The following DNM2 variants were observed in gnomAD, a reference collection of about 807,000 sequenced individuals.
DNM2 encodes the protein dynamin-2.
In DNM2, 15 loss-of-function variants were observed where a neutral mutation model predicts 99.0. The observed-to-expected ratio is 0.15, with a 90% CI of 0.10 to 0.23. The LOEUF is 0.23. Among genes scored for constraint, DNM2 ranks in the 10% least tolerant of loss-of-function variants. The probability of loss-of-function intolerance (pLI) is 1.00; values close to 1 mark genes in which losing one functional copy is unlikely to be tolerated. For synonymous variants in DNM2, 525 were observed against 481.2 expected (o/e 1.09, Z -1.19); for missense variants, 742 against 1,189.4 (o/e 0.62, Z 5.53).
intron 2 of DNM2, among the ~76,000 whole-genome samples, chr19:10,761,519 G>A (rs914767810): frequency 2.6e-5 from 4 of 152,190 alleles, no homozygotes; most frequent in Admixed American, 6.5e-5. Context: ...AAGGGTCTCC[G>A]TGCCCCTTCC....
chr19:10,750,265 G>A (rs1240103992), intron 1 of DNM2, among the ~76,000 whole-genome samples: 1 of 152,074 alleles, frequency 6.6e-6, no homozygotes, highest in Non-Finnish European at 1.5e-5. Flanking sequence ...GATTGCATGA[G>A]GCCAGAAGTT....
At chr19:10,777,442 C>G (rs530381912) in intron 5 of DNM2, among the ~76,000 whole-genome samples, 5 of 152,288 alleles carry the variant, frequency 3.3e-5, no homozygotes, top group East Asian at 1.9e-4. Context: ...CATTAGAAAA[C>G]AAGTGTATAG....
In DNM2 at chr19:10,783,067, C is replaced by A. The variant is rs552366130; in HGVS notation, c.796C>A (p.Arg266=). The A allele has an allele frequency of 6.2e-6, 10 of 1,613,722 alleles. No homozygotes were observed. The highest frequency in any genetic ancestry group is 3.4e-6 in the Non-Finnish European group (4 of 1,180,060). The change falls in exon 6 of 21, where the codon CGG becomes AGG. Residue 266 remains arginine (R), a synonymous_variant. Coordinates refer to ENST00000389253, the MANE Select transcript of DNM2 (RefSeq NM_001005361.3). The part of the protein sequence containing the change: ...RKFFLSHPAY[R]HMADRMGTPH... ...GTTCTTCCTCTCCCACCCGGCCTAC[C>A]GGCACATGGCCGACCGCATGGGCAC...
At chr19:10,750,365 G>T (rs576454299) in intron 1 of DNM2, among the ~76,000 whole-genome samples, 1 of 152,190 alleles carries the variant, frequency 6.6e-6, no homozygotes, top group Non-Finnish European at 1.5e-5. Context: ...TGCAGTCCCA[G>T]TTACTTGGGA....
intron 17 of DNM2, chr19:10,824,439 T>C (rs1599629936): frequency 4.9e-6 from 1 of 202,106 alleles, no homozygotes; most frequent in East Asian, 1.2e-4. Flanking sequence ...AGGTAGAGGT[T>C]GCAGTGAGCT....
chr19:10,809,451 A>T (rs2072463709), intron 14 of DNM2: 1 of 152,294 alleles, frequency 6.6e-6, no homozygotes, highest in Non-Finnish European at 1.5e-5. Flanking sequence ...GGCTCCCGAG[A>T]TGAATCATAT....
chr19:10,817,864 C>G lies in DNM2; in HGVS notation c.1672-2116C>G, dbSNP rs2072817687. Reference sequence around the variant, plus strand: ...GCCGGCAGCACCAGGAAGGCGGCCACTGATTTCTCGGCGGAATCGCACTGT... The same window carrying G: ...GCCGGCAGCACCAGGAAGGCGGCCAGTGATTTCTCGGCGGAATCGCACTGT... On this transcript the variant is annotated intron_variant, in intron 15 of 20. Coordinates refer to ENST00000389253, the MANE Select transcript of DNM2 (RefSeq NM_001005361.3). This position sits in a 1 kb window ranked among gnomAD's most constrained non-coding sequence, Gnocchi z 4.6. Among the ~76,000 whole-genome samples, 1 of 151,728 alleles carries G rather than the reference C, an allele frequency of 6.6e-6. No homozygotes were observed. The highest frequency in any genetic ancestry group is 1.5e-5 in the Non-Finnish European group (1 of 67,890).
chr19:10,745,311 A>G (rs1443875990), intron 1 of DNM2, among the ~76,000 whole-genome samples: 4 of 152,180 alleles, frequency 2.6e-5, no homozygotes, highest in Non-Finnish European at 5.9e-5. Flanking sequence ...TTCATTCCAC[A>G]AAGTACTGCC....
intron 1 of DNM2, among the ~76,000 whole-genome samples, chr19:10,756,234 T>C (rs923574638): frequency 5.3e-5 from 8 of 152,100 alleles, no homozygotes; most frequent in African/African-American, 1.9e-4. Context: ...CGCCTCCCAA[T>C]TGATGTAGCT....
chr19:10,812,517 G>T lies in DNM2; in HGVS notation c.1671+140G>T, dbSNP rs1023969886. ...ATTAGGACTGTAACTCGCCGGGCAC[G>T]GTGGCTCCCGCCTGTAATCCCAGCA... On this transcript the variant is annotated intron_variant, in intron 15 of 20. Coordinates refer to ENST00000389253, the MANE Select transcript of DNM2 (RefSeq NM_001005361.3). This position sits in a 1 kb window ranked among gnomAD's most constrained non-coding sequence, Gnocchi z 4.0. 7.8e-6 allele frequency: 5 copies of T among 642,286 alleles called. No individual in the cohort carries two copies. The highest frequency in any genetic ancestry group is 1.8e-5 in the African/African-American group (1 of 55,272). The allele number at this position is 642,286 out of a possible 1,614,324, so 39.8% of individuals were successfully genotyped here.
rs2073331497 is a variant in DNM2, at chr19:10,831,005, G to A, written c.2571G>A (p.Arg857=). Residue 857 remains arginine, a synonymous_variant, in exon 21 of 21, where the codon CGG becomes CGA. Coordinates refer to ENST00000389253, the MANE Select transcript of DNM2 (RefSeq NM_001005361.3). This position sits in a 1 kb window ranked among gnomAD's most constrained non-coding sequence, Gnocchi z 4.3. ...GAAGACCCCCTGCTGCGCCCAGCCGGCCCACCATTATCCGCCCAGCCGAGC... is the reference window on the plus strand; with the variant it reads ...GAAGACCCCCTGCTGCGCCCAGCCGACCCACCATTATCCGCCCAGCCGAGC... ...PSRRPPAAPS[R]PTIIRPAEPS... 6.2e-7 allele frequency: 1 copy of A among 1,611,356 alleles called. No homozygotes were observed. Among genetic ancestry groups the A allele is most frequent in the Non-Finnish European group, 8.5e-7 (1 of 1,178,986 alleles).
chr19:10,799,854 T>C (rs1452376391), intron 11 of DNM2, among the ~76,000 whole-genome samples: 1 of 151,258 alleles, frequency 6.6e-6, no homozygotes, highest in African/African-American at 2.4e-5. Flanking sequence ...TTTTTTAACA[T>C]TTAACGCTTT....
In DNM2 at chr19:10,758,379, C is replaced by T. The variant is rs866666683; in HGVS notation, c.162-1359C>T. 2.1e-3 allele frequency among the ~76,000 whole-genome samples: 194 copies of T among 90,322 alleles called. 2 individuals are homozygous for T. Among genetic ancestry groups the T allele is most frequent in the Middle Eastern group, 0.016 (2 of 126 alleles). The allele number at this position is 90,322 out of a possible 152,430, so 59.3% of individuals were successfully genotyped here. Reference sequence around the variant, plus strand: ...CCTCCTTCCTTCCCTCCCTCCTTCCCTCCCTCCTTCCTTCCCTCCTTCCTT... The same window carrying T: ...CCTCCTTCCTTCCCTCCCTCCTTCCTTCCCTCCTTCCTTCCCTCCTTCCTT... On this transcript the variant is annotated intron_variant, in intron 1 of 20. Coordinates refer to ENST00000389253, the MANE Select transcript of DNM2 (RefSeq NM_001005361.3).
chr19:10,810,769 T>G (rs763998803), intron 14 of DNM2: 7 of 152,332 alleles, frequency 4.6e-5, no homozygotes, highest in Non-Finnish European at 1.0e-4. Context: ...CATTCAGTCA[T>G]GGAACCAGGG....
chr19:10,739,036 C>T (rs142134128), intron 1 of DNM2, among the ~76,000 whole-genome samples: 220 of 151,918 alleles, frequency 1.4e-3, no homozygotes, highest in Non-Finnish European at 2.2e-3. Context: ...GGCGTGGTAG[C>T]GGGCGCCTGT....
rs35575438 is a variant in DNM2 at position 10,784,819 on chromosome 19, A to ATTTTTTTTTTTTTTTTTTTTTTTTTT, written c.849+1721_849+1722insTTTTTTTTTTTTTTTTTTTTTTTTTT. ...GTATTTATTTTTTATTTTTTTGATGATTTTTTTTTTTTTTTTTTTTTTGAG... is the reference window on the plus strand; with the variant it reads ...GTATTTATTTTTTATTTTTTTGATGATTTTTTTTTTTTTTTTTTTTTTTTTTTTTTTTTTTTTTTTTTTTTTTTGAG... On this transcript the variant is annotated intron_variant, in intron 6 of 20. Coordinates refer to ENST00000389253, the MANE Select transcript of DNM2 (RefSeq NM_001005361.3). Among the ~76,000 whole-genome samples, 2 of 99,464 alleles carry ATTTTTTTTTTTTTTTTTTTTTTTTTT rather than the reference A, an allele frequency of 2.0e-5. 1 individual carries two copies. Among genetic ancestry groups the ATTTTTTTTTTTTTTTTTTTTTTTTTT allele is most frequent in the Admixed American group, 2.7e-4 (2 of 7,352 alleles). 65.3% of individuals were successfully genotyped at this position (99,464 alleles called of 152,430 possible).
chr19:10,718,332 C>A lies in DNM2; in HGVS notation c.90C>A (p.Asp30Glu). The A allele has an allele frequency of 1.3e-6, 2 of 1,519,596 alleles. No homozygotes were observed. Among genetic ancestry groups the A allele is most frequent in the Admixed American group, 2.1e-5 (1 of 47,368 alleles). The allele number at this position is 1,519,596 out of a possible 1,614,324, so 94.1% of individuals were successfully genotyped here. A position where few individuals can be genotyped will look rare whatever the true frequency, so the allele number is the denominator to read the frequency against. Residue 30 changes from aspartate (D) to glutamate (E), a missense_variant, in exon 1 of 21, where the codon GAC becomes GAA. By Grantham distance (45) the Asp-to-Glu change is conservative. Transcript: ENST00000389253. ...CCATCGGCCAGAGCTGCCACCTGGA[C>A]CTGCCGCAGATCGCTGTAGTGGGCG... ...FSSIGQSCHL[D>E]LPQIAVVGGQ... is the part of the protein sequence containing the mutation.
At chr19:10,739,861 CAAAAAAAAAAAAAA>C (rs59755624) in intron 1 of DNM2, among the ~76,000 whole-genome samples, 3 of 32,644 alleles carry the variant, frequency 9.2e-5, no homozygotes, top group African/African-American at 1.2e-4. Context: ...CTCTCTCTCT[CAAAAAAAAAAAAAA>C]AAAAAAAAAA....
In DNM2 at chr19:10,797,513, G is replaced by A. The variant is rs765822610; in HGVS notation, c.1330G>A (p.Glu444Lys). 4.3e-5 allele frequency: 69 copies of A among 1,613,826 alleles called. No individual in the cohort carries two copies. The South Asian group carries it at 6.9e-4, about 16-fold the overall frequency. The change falls in exon 10 of 21, where the codon GAG becomes AAG. Residue 444 changes from glutamate (E) to lysine (K), a missense_variant. Physicochemically the swap from Glu to Lys is moderately conservative, Grantham distance 56 (BLOSUM62 1). This residue lies in a region of DNM2 where 240 missense variants were observed against 431.3 expected (regional missense o/e 0.56). Coordinates refer to ENST00000389253, the MANE Select transcript of DNM2 (RefSeq NM_001005361.3). ...ELATVIKKCA[E>K]KLSSYPRLRE... ...GGCCACGGTCATAAAAAAGTGTGCC[G>A]AGAAGGTAACAGGTTTTGTTCTCAT...
Sources: gnomAD v4.1 joint callset for allele counts (sites outside exome capture counted in the v4.1 genomes callset) on GRCh38, gnomAD v4.1.1 for gene constraint, gnomAD v4.1.1 regional missense constraint, Gnocchi (gnomAD v3.1) non-coding constraint, MANE v1.5 for transcripts, NCBI Gene and HGNC (gene_info 2026-07-23, HGNC 2026-07-21) for gene names.